KRAS: variants seen among roughly 807,000 people sequenced by gnomAD.
KRAS encodes GTPase KRas.
A neutral mutation model predicts 21.0 loss-of-function variants in KRAS; 1 was observed. The ratio of observed to expected loss-of-function variants is 0.05; its 90% CI spans 0.02 to 0.23. KRAS has a LOEUF of 0.23. KRAS is among the 10% of genes least tolerant of loss of function. The pLI is 1.00. For synonymous variants in KRAS, 67 were observed against 72.5 expected (o/e 0.92, Z 0.39); for missense variants, 107 against 221.8 (o/e 0.48, Z 3.29).
chr12:25,205,650 T>G lies in KRAS; in HGVS notation c.*4145A>C. 4.4e-6 allele frequency: 1 copy of G among 225,096 alleles called. No homozygotes were observed. Among genetic ancestry groups the G allele is most frequent in the African/African-American group, 2.2e-5 (1 of 45,038 alleles). 13.9% of individuals were successfully genotyped at this position (225,096 alleles called of 1,614,324 possible). A position where few individuals can be genotyped will look rare whatever the true frequency, so the allele number is the denominator to read the frequency against. On this transcript the variant is annotated 3_prime_UTR_variant, in exon 5 of 5. Transcript: ENST00000311936. Reference sequence around the variant, plus strand: ...CACAAGACAGTGGAATTGGAAACTTTCGGATAAAACACTGTAACCCAGTTA... The same window carrying G: ...CACAAGACAGTGGAATTGGAAACTTGCGGATAAAACACTGTAACCCAGTTA...
In KRAS at chr12:25,245,022, C is replaced by T. The variant is rs889588814; in HGVS notation, c.111+252G>A. ...TAGGATACAAATTTCTACCCTCTCA[C>T]GAAACTCTGAAATACACTTCCAATC... On this transcript the variant is annotated intron_variant, in intron 2 of 4. Coordinates refer to ENST00000311936, the MANE Select transcript of KRAS (RefSeq NM_004985.5). 3.9e-5 allele frequency among the ~76,000 whole-genome samples: 6 copies of T among 152,118 alleles called. No individual in the cohort carries two copies. In the East Asian group the frequency reaches 1.2e-3, roughly 29 times the overall value.
intron 2 of KRAS, among the ~76,000 whole-genome samples, chr12:25,235,909 G>C (rs764485370): frequency 6.6e-6 from 1 of 152,142 alleles, no homozygotes; most frequent in Non-Finnish European, 1.5e-5. Flanking sequence ...CTCCTAAGGA[G>C]TATGCAACCT....
chr12:25,210,129 A>G (rs1341746862), intron 4 of KRAS, among the ~76,000 whole-genome samples: 1 of 152,208 alleles, frequency 6.6e-6, no homozygotes, highest in African/African-American at 2.4e-5. Context: ...TAATTTTCAC[A>G]AAAGACAAGG....
intron 2 of KRAS, among the ~76,000 whole-genome samples, chr12:25,231,414 G>A (rs1419456690): frequency 3.3e-5 from 5 of 152,040 alleles, no homozygotes; most frequent in Admixed American, 3.3e-4. Flanking sequence ...TACCAATGTA[G>A]GCTGAGTATC....
In KRAS at chr12:25,205,512, A is replaced by G. The variant is rs1951126606; in HGVS notation, c.*4283T>C. 1 of 216,112 alleles carries G rather than the reference A, an allele frequency of 4.6e-6. No homozygotes were observed. Among genetic ancestry groups the G allele is most frequent in the Admixed American group, 5.8e-5 (1 of 17,172 alleles). The allele number at this position is 216,112 out of a possible 1,614,324, so 13.4% of individuals were successfully genotyped here. A position where few individuals can be genotyped will look rare whatever the true frequency, so the allele number is the denominator to read the frequency against. ...ACAAAATGTGCATGTTTCAGTTTAC[A>G]CTATACAAAAATAGTTAAAATACAT... On this transcript the variant is annotated 3_prime_UTR_variant, in exon 5 of 5. Transcript: ENST00000311936.
intron 4 of KRAS, 55 bp downstream of exon 4, chr12:25,225,559 A>G (rs891166330): frequency 1.2e-5 from 18 of 1,517,288 alleles, no homozygotes; most frequent in Admixed American, 1.7e-5. Flanking sequence ...ATTAAATGAC[A>G]TAACAGTTAT....
At chr12:25,239,254 T>C (rs751331616) in intron 2 of KRAS, among the ~76,000 whole-genome samples, 5 of 152,204 alleles carry the variant, frequency 3.3e-5, no homozygotes, top group Non-Finnish European at 7.4e-5. Flanking sequence ...CTAATTCATA[T>C]ATAAGATAGC....
intron 4 of KRAS, among the ~76,000 whole-genome samples, chr12:25,218,834 AC>A (rs1951283750): frequency 1.3e-5 from 2 of 152,220 alleles, no homozygotes; most frequent in African/African-American, 4.8e-5. Flanking sequence ...CCGACTGGCT[AC>A]TCATTAAGCT....
At chr12:25,234,860 T>C (rs1309690943) in intron 2 of KRAS, 2 of 217,582 alleles carry the variant, frequency 9.2e-6, no homozygotes, top group Non-Finnish European at 1.8e-5. Flanking sequence ...ACATATTCCA[T>C]GTATCAAAAC....
rs1490703994 is a variant in KRAS at position 25,206,364 on chromosome 12, T to C, written c.*3431A>G. The C allele has an allele frequency of 9.7e-6, 2 of 206,878 alleles. No individual in the cohort carries two copies. The highest frequency in any genetic ancestry group is 2.0e-5 in the Non-Finnish European group (2 of 101,440). 12.8% of individuals were successfully genotyped at this position (206,878 alleles called of 1,614,324 possible). A position where few individuals can be genotyped will look rare whatever the true frequency, so the allele number is the denominator to read the frequency against. ...CTATATTCTTCCACAAACATGTTAA[T>C]GCCTAAGTCTATGTAATTTAGCTTT... On this transcript the variant is annotated 3_prime_UTR_variant, in exon 5 of 5. Coordinates refer to ENST00000311936, the MANE Select transcript of KRAS (RefSeq NM_004985.5).
At chr12:25,212,329 T>C (rs1951207535) in intron 4 of KRAS, among the ~76,000 whole-genome samples, 1 of 152,254 alleles carries the variant, frequency 6.6e-6, no homozygotes, top group Non-Finnish European at 1.5e-5. Flanking sequence ...ACACATTTTA[T>C]GGTGAAAACA....
chr12:25,236,195 TTAAG>T (rs1195670989), intron 2 of KRAS, among the ~76,000 whole-genome samples: 1 of 152,024 alleles, frequency 6.6e-6, no homozygotes, highest in African/African-American at 2.4e-5. Context: ...CATGTGTATA[TTAAG>T]TAAGGAGTTT....
chr12:25,239,823 C>T (rs1951589572), intron 2 of KRAS, among the ~76,000 whole-genome samples: 1 of 151,956 alleles, frequency 6.6e-6, no homozygotes, highest in Admixed American at 6.6e-5. Context: ...TGTGGTGGTG[C>T]ATGCCTGTAA....
intron 4 of KRAS, chr12:25,210,541 AAGGT>A (rs1951190894): frequency 6.6e-6 from 1 of 152,188 alleles, no homozygotes; most frequent in South Asian, 2.1e-4. Flanking sequence ...CATTAAGAAA[AAGGT>A]TTAAAGTGAC....
chr12:25,235,549 A>C (rs1358974689), intron 2 of KRAS, among the ~76,000 whole-genome samples: 1 of 152,212 alleles, frequency 6.6e-6, no homozygotes, highest in African/African-American at 2.4e-5. Context: ...AGGTGAGTGG[A>C]AGAGACATGA....
At chr12:25,237,995 ATGAAGGATTTC>A (rs1179967515) in intron 2 of KRAS, among the ~76,000 whole-genome samples, 2 of 152,218 alleles carry the variant, frequency 1.3e-5, no homozygotes, top group African/African-American at 4.8e-5. Context: ...ACTGAAGGCT[ATGAAGGATTTC>A]TGTTTTGATT....
chr12:25,225,262 C>T (rs371246582), intron 4 of KRAS: 3 of 141,002 alleles, frequency 2.1e-5, no homozygotes, highest in African/African-American at 7.9e-5. Context: ...AAATAGAAAA[C>T]GCAAAAATTT....
intron 2 of KRAS, among the ~76,000 whole-genome samples, chr12:25,239,403 T>C (rs1211983198): frequency 6.6e-6 from 1 of 152,240 alleles, no homozygotes; most frequent in Non-Finnish European, 1.5e-5. Context: ...GATACTCTGA[T>C]GATGAGAAAG....
intron 4 of KRAS, chr12:25,215,695 A>C (rs758675909): frequency 1.4e-6 from 1 of 724,850 alleles, no homozygotes; most frequent in Non-Finnish European, 2.4e-6. Flanking sequence ...GACTGTTTGA[A>C]TAAAACTGAG....
Sources: allele counts gnomAD v4.1 joint callset (sites outside exome capture counted in the v4.1 genomes callset), GRCh38; gene constraint gnomAD v4.1.1; transcripts MANE v1.5; gene names NCBI Gene and HGNC (gene_info 2026-07-23, HGNC 2026-07-21).